CAPN14: variants seen among roughly 807,000 people sequenced by gnomAD.
CAPN14 encodes the protein calpain-14.
CAPN14 carries 94 observed loss-of-function variants against 101.3 expected under a neutral mutation model. The ratio of observed to expected loss-of-function variants is 0.93; its 90% CI spans 0.79 to 1.10. The LOEUF (loss-of-function observed/expected upper bound fraction) is 1.10, where lower values mean the gene tolerates loss of function less well. Among genes scored for constraint, CAPN14 ranks in the 50% least tolerant of loss-of-function variants. CAPN14 has a pLI of 0.00. For missense variants in CAPN14, 837 were observed against 828.4 expected (o/e 1.01, Z -0.13); for synonymous variants, 338 against 317.9 (o/e 1.06, Z -0.67).
At chr2:31,190,685 A>C (rs986697548) in intron 12 of CAPN14, among the ~76,000 whole-genome samples, 1 of 152,208 alleles carries the variant, frequency 6.6e-6, no homozygotes, top group East Asian at 1.9e-4. Context: ...TTAATAGGCA[A>C]ATTTGAGAGT....
chr2:31,199,078 A>G (rs1419028227), intron 7 of CAPN14, among the ~76,000 whole-genome samples: 1 of 152,192 alleles, frequency 6.6e-6, no homozygotes, highest in African/African-American at 2.4e-5. Context: ...CTCAATGCCT[A>G]GTAGAGCTCA....
At chr2:31,186,376 T>C in intron 16 of CAPN14, 52 bp downstream of exon 16, 2 of 1,322,448 alleles carry the variant, frequency 1.5e-6, no homozygotes, top group Non-Finnish European at 2.1e-6. Flanking sequence ...AGCCAGAGTT[T>C]AGAAAAGTTG....
Position 31,192,056 on chromosome 2 carries a change from C to T in CAPN14, c.1157G>A (p.Arg386Lys). Residue 386 changes from arginine to lysine, a missense_variant, in exon 11 of 22, where the codon AGG (arginine) becomes AAG (lysine). Arg to Lys is a conservative substitution (Grantham distance 26). Transcript: ENST00000403897. ...KNPQFLLSVW[R>K]PEEGRRSLRP... Reference sequence around the variant, plus strand: ...CAGGGATCTCCTGCCCTCCTCGGGCCTCCAGACAGACAGCAGGAACTGCGG... The same window carrying T: ...CAGGGATCTCCTGCCCTCCTCGGGCTTCCAGACAGACAGCAGGAACTGCGG... 1.3e-6 allele frequency: 2 copies of T among 1,551,208 alleles called. No homozygotes were observed. Among genetic ancestry groups the T allele is most frequent in the Non-Finnish European group, 8.7e-7 (1 of 1,146,746 alleles).
At chr2:31,219,742 A>C (rs1682804296), upstream of CAPN14, among the ~76,000 whole-genome samples, 2 of 152,182 alleles carry the variant, frequency 1.3e-5, no homozygotes, top group Non-Finnish European at 1.5e-5. Context: ...TAGGTTCACT[A>C]ACTTTGTGAA....
chr2:31,179,528 C>A (rs980411486), intron 17 of CAPN14, among the ~76,000 whole-genome samples: 8 of 152,212 alleles, frequency 5.3e-5, no homozygotes, highest in Admixed American at 5.2e-4. Flanking sequence ...CCGCAGTAAA[C>A]ATACATGTGC....
intron 17 of CAPN14, 70 bp downstream of exon 17, chr2:31,180,866 T>C (rs938021045): frequency 2.9e-4 from 392 of 1,334,244 alleles, no homozygotes; most frequent in South Asian, 3.8e-4. Flanking sequence ...GATTCAAATA[T>C]ACTCTGCCTA....
chr2:31,226,614 G>A (rs982119618), exon 2 of CAPN14: 1 of 152,264 alleles, frequency 6.6e-6, no homozygotes, highest in Non-Finnish European at 1.5e-5. Context: ...CCTTACCCAA[G>A]CGAGGCTGTT....
rs1288747143 is a variant in CAPN14, at chr2:31,174,063, T to C, written c.*618A>G. Reference sequence around the variant, plus strand: ...CCCCAGATCCAATCATACGGAGATATTGTCAGAAGAAGACTACCCCATGAC... The same window carrying C: ...CCCCAGATCCAATCATACGGAGATACTGTCAGAAGAAGACTACCCCATGAC... On this transcript the variant is annotated 3_prime_UTR_variant, in exon 22 of 22. Coordinates refer to ENST00000403897, the MANE Select transcript of CAPN14 (RefSeq NM_001145122.2). The C allele has an allele frequency of 1.3e-5, 2 of 152,910 alleles. No homozygotes were observed. The highest frequency in any genetic ancestry group is 4.8e-5 in the African/African-American group (2 of 41,430). The allele number at this position is 152,910 out of a possible 1,614,324, so 9.5% of individuals were successfully genotyped here. A position where few individuals can be genotyped will look rare whatever the true frequency, so the allele number is the denominator to read the frequency against.
chr2:31,189,450 G>C lies in CAPN14; in HGVS notation c.1316C>G (p.Pro439Arg). ...AGGAGTGTTTCTCTGGAAGAACTCA[G>C]GGGGCAGTCTCCTCTGGTCATCATG... Reference protein sequence around the residue: ...KYHDDQRRLPPEFFQRNTPLS... With the variant: ...KYHDDQRRLPREFFQRNTPLS... The change falls in exon 13 of 22, where the codon CCT becomes CGT. Residue 439 changes from proline (P) to arginine (R), a missense_variant. Pro to Arg is a moderately radical substitution (Grantham distance 103). Coordinates refer to ENST00000403897, the MANE Select transcript of CAPN14 (RefSeq NM_001145122.2). The C allele has an allele frequency of 1.3e-6, 2 of 1,551,602 alleles. No individual in the cohort carries two copies. Among genetic ancestry groups the C allele is most frequent in the Non-Finnish European group, 1.7e-6 (2 of 1,146,962 alleles).
In CAPN14 at chr2:31,192,227, G is replaced by C; in HGVS notation, c.1115-129C>G. On this transcript the variant is annotated intron_variant, in intron 10 of 21. Transcript: ENST00000403897. ...TGACACCCTGAGGCCCACTGGGACA[G>C]AGTCGGGGTCCCTTCAACCTTGGAT... 6 of 1,087,304 alleles carry C rather than the reference G, an allele frequency of 5.5e-6. No homozygotes were observed. In the South Asian group the frequency reaches 7.4e-5, roughly 13 times the overall value. 67.4% of individuals were successfully genotyped at this position (1,087,304 alleles called of 1,614,324 possible).
intron 16 of CAPN14, among the ~76,000 whole-genome samples, chr2:31,182,748 T>C (rs1334826837): frequency 1.3e-5 from 2 of 151,018 alleles, no homozygotes; most frequent in East Asian, 1.9e-4. Context: ...ATCGTGAAAA[T>C]GGCCATACTG....
intron 6 of CAPN14, among the ~76,000 whole-genome samples, 195 bp downstream of exon 6, chr2:31,200,256 G>C (rs6543618): frequency 1 from 151,696 of 152,288 alleles, 75,561 homozygotes; most frequent in Middle Eastern, 1. Context: ...CCGCCCACCT[G>C]GGCCTCCCAA....
Position 31,205,339 on chromosome 2 carries a change from A to T in CAPN14, c.109T>A (p.Cys37Ser). Residue 37 changes from cysteine (C) to serine (S), a missense_variant, in exon 2 of 22, where the codon TGC (cysteine) becomes AGC (serine). Coordinates refer to ENST00000403897, the MANE Select transcript of CAPN14 (RefSeq NM_001145122.2). Reference sequence around the variant, plus strand: ...TCAAAGAGGCAGCCATTCCTCAGGCACTCTGCCAGCAGGGCCTCAAAGTCC... The same window carrying T: ...TCAAAGAGGCAGCCATTCCTCAGGCTCTCTGCCAGCAGGGCCTCAAAGTCC... ...QQDFEALLAECLRNGCLFEDT... is the reference protein window; with the variant it reads ...QQDFEALLAESLRNGCLFEDT... 1 of 1,551,192 alleles carries T rather than the reference A, an allele frequency of 6.4e-7. No individual in the cohort carries two copies. Among genetic ancestry groups the T allele is most frequent in the Non-Finnish European group, 8.7e-7 (1 of 1,146,948 alleles).
Position 31,230,323 on chromosome 2 carries a change from G to C in CAPN14, c.-177+3468C>G, listed in dbSNP as rs978845967. Reference sequence around the variant, plus strand: ...ATAATGTTGCCATCAACATTCTTAAGACTTATCTCCCTATGCACATGTGCA... The same window carrying C: ...ATAATGTTGCCATCAACATTCTTAACACTTATCTCCCTATGCACATGTGCA... On this transcript the variant is annotated intron_variant and NMD_transcript_variant, in intron 1 of 21. Transcript: ENST00000398824. The surrounding 1 kb of genome is among the most constrained non-coding windows in gnomAD (Gnocchi z 4.3). Among the ~76,000 whole-genome samples the C allele has an allele frequency of 2.6e-5, 4 of 152,108 alleles. No individual in the cohort carries two copies. The highest frequency in any genetic ancestry group is 5.9e-5 in the Non-Finnish European group (4 of 68,010).
rs1027157565 is a variant in CAPN14, at chr2:31,191,972, C to A, written c.1241G>T (p.Arg414Leu). The A allele has an allele frequency of 1.3e-6, 2 of 1,551,480 alleles. No homozygotes were observed. Among genetic ancestry groups the A allele is most frequent in the Non-Finnish European group, 1.7e-6 (2 of 1,146,906 alleles). The change falls in exon 11 of 22, where the codon CGG becomes CTG. Residue 414 changes from arginine to leucine, a missense_variant. Physicochemically the swap from Arg to Leu is moderately radical, Grantham distance 102 (BLOSUM62 -2). Coordinates refer to ENST00000403897, the MANE Select transcript of CAPN14 (RefSeq NM_001145122.2). Reference sequence around the variant, plus strand: ...GAAGCCAATGGCGAGGAGAGGCTTCCGCTTGCGGCACCTGTGCCTGGGCTT... The same window carrying A: ...GAAGCCAATGGCGAGGAGAGGCTTCAGCTTGCGGCACCTGTGCCTGGGCTT... ...LQKPRHRCRK[R>L]KPLLAIGFYL...
At chr2:31,175,380 G>A (rs1280324076) in intron 21 of CAPN14, among the ~76,000 whole-genome samples, 1 of 152,172 alleles carries the variant, frequency 6.6e-6, no homozygotes, top group Non-Finnish European at 1.5e-5. Context: ...ATTTGCCTAA[G>A]GCCCCACAGC....
chr2:31,208,853 G>T lies in CAPN14; in HGVS notation c.-52-3354C>A, dbSNP rs569133526. On this transcript the variant is annotated intron_variant, in intron 1 of 21. Transcript: ENST00000403897. The stretch of plus-strand genomic sequence containing the variant: ...TGCAAATAGATAGGTGAAGGCTAAT[G>T]GGGCTCGAGCTATTTAAGAATGTGC... 2.6e-5 allele frequency among the ~76,000 whole-genome samples: 4 copies of T among 152,294 alleles called. No homozygotes were observed. In the Middle Eastern group the frequency reaches 0.01, roughly 389 times the overall value.
intron 1 of CAPN14, among the ~76,000 whole-genome samples, chr2:31,232,024 T>C (rs1405753704): frequency 6.6e-6 from 1 of 151,948 alleles, no homozygotes; most frequent in Non-Finnish European, 1.5e-5. Flanking sequence ...AAGGAGGGAG[T>C]CGGGAGATCT....
chr2:31,218,005 A>T (rs940441536), upstream of CAPN14, among the ~76,000 whole-genome samples: 1 of 152,092 alleles, frequency 6.6e-6, no homozygotes, highest in African/African-American at 2.4e-5. Flanking sequence ...GTTTCCTGCT[A>T]AGGAGGAAAT....
Sources: gnomAD v4.1 joint callset for allele counts (sites outside exome capture counted in the v4.1 genomes callset) on GRCh38, gnomAD v4.1.1 for gene constraint, Gnocchi (gnomAD v3.1) non-coding constraint, MANE v1.5 for transcripts, NCBI Gene and HGNC (gene_info 2026-07-23, HGNC 2026-07-21) for gene names.